EMP2: variants seen among roughly 807,000 people sequenced by gnomAD.
EMP2 encodes the protein epithelial membrane protein 2.
A neutral mutation model predicts 13.7 loss-of-function variants in EMP2; 19 were observed. The observed-to-expected ratio is 1.38, with a 90% CI of 0.97 to 2.03. The LOEUF (loss-of-function observed/expected upper bound fraction) is 2.03, where lower values mean the gene tolerates loss of function less well. EMP2 is among the 30% of genes most tolerant of loss of function. The pLI, the probability that EMP2 is intolerant of heterozygous loss-of-function variation, is 0.00. For synonymous variants in EMP2, 97 were observed against 84.7 expected, an observed-to-expected ratio of 1.15 and a Z score of -0.80; for missense variants, 253 against 220.7, an observed-to-expected ratio of 1.15 and a Z score of -0.93.
intron 1 of EMP2, 30 bp from the exon 2 acceptor site, chr16:10,547,707 A>C: frequency 7.5e-7 from 1 of 1,327,904 alleles, no homozygotes; most frequent in Non-Finnish European, 1.1e-6. Flanking sequence ...GAAATTCAAA[A>C]TCTGTCAATG....
intron 1 of EMP2, among the ~76,000 whole-genome samples, chr16:10,549,908 CAG>C (rs376678419): frequency 0.019 from 2,006 of 104,220 alleles, 49 homozygotes; most frequent in African/African-American, 0.072. Flanking sequence ...TTTTTTGAGA[CAG>C]AGTCTCACTC....
intron 1 of EMP2, among the ~76,000 whole-genome samples, chr16:10,567,495 G>C (rs776751896): frequency 6.6e-5 from 10 of 152,194 alleles, no homozygotes; most frequent in African/African-American, 2.4e-4. Flanking sequence ...GGGGCAGGGG[G>C]AGCAGGGGCT....
intron 1 of EMP2, among the ~76,000 whole-genome samples, chr16:10,573,036 G>T (rs902900950): frequency 6.6e-6 from 1 of 152,126 alleles, no homozygotes; most frequent in South Asian, 2.1e-4. Context: ...GTCAGCATGG[G>T]TTTATTTTGG....
chr16:10,566,683 T>C (rs992941447), intron 1 of EMP2, among the ~76,000 whole-genome samples: 7 of 152,206 alleles, frequency 4.6e-5, no homozygotes, highest in Non-Finnish European at 8.8e-5. Flanking sequence ...AAGTCAGTTC[T>C]CCACTTCTCT....
intron 1 of EMP2, among the ~76,000 whole-genome samples, chr16:10,565,832 G>C (rs1035246349): frequency 6.6e-6 from 1 of 152,194 alleles, no homozygotes; most frequent in East Asian, 1.9e-4. Context: ...ATGCCTAGGG[G>C]GCTATGAGGT....
intron 1 of EMP2, among the ~76,000 whole-genome samples, chr16:10,570,479 C>T (rs764994925): frequency 1.3e-5 from 2 of 152,174 alleles, no homozygotes; most frequent in Non-Finnish European, 2.9e-5. Context: ...CTCACCGTCA[C>T]GTCTGCCTCT....
chr16:10,548,053 T>C (rs2050753348), intron 1 of EMP2, among the ~76,000 whole-genome samples: 1 of 151,950 alleles, frequency 6.6e-6, no homozygotes, highest in Non-Finnish European at 1.5e-5. Context: ...AAAGGCAACA[T>C]TTCATGGGGT....
At chr16:10,559,373 A>C (rs2050856251) in intron 1 of EMP2, among the ~76,000 whole-genome samples, 1 of 152,246 alleles carries the variant, frequency 6.6e-6, no homozygotes, top group Non-Finnish European at 1.5e-5. Context: ...TGGGCCGCCC[A>C]GCTCCATGCT....
chr16:10,555,226 C>A (rs2050818732), intron 1 of EMP2, among the ~76,000 whole-genome samples: 4 of 152,222 alleles, frequency 2.6e-5, no homozygotes. Context: ...AGAATGCCCA[C>A]GACAATCTTT....
At chr16:10,573,592 G>A (rs886564478) in intron 1 of EMP2, among the ~76,000 whole-genome samples, 1 of 152,118 alleles carries the variant, frequency 6.6e-6, no homozygotes, top group African/African-American at 2.4e-5. Flanking sequence ...AACCTCCATT[G>A]CTTACCAAGC....
chr16:10,562,050 G>A (rs976248383), intron 1 of EMP2, among the ~76,000 whole-genome samples: 1 of 152,022 alleles, frequency 6.6e-6, no homozygotes, highest in African/African-American at 2.4e-5. Flanking sequence ...GAAGAGAAGG[G>A]GACACCCCAC....
intron 1 of EMP2, among the ~76,000 whole-genome samples, chr16:10,577,114 G>A (rs372688269): frequency 5.3e-5 from 8 of 152,138 alleles, no homozygotes; most frequent in South Asian, 4.1e-4. Context: ...GTCCTGGGTC[G>A]GCTGCCAAAT....
intron 1 of EMP2, among the ~76,000 whole-genome samples, chr16:10,575,308 C>T (rs956556328): frequency 1.6e-5 from 2 of 123,356 alleles, no homozygotes; most frequent in African/African-American, 6.2e-5. Context: ...GGCTGGAGTG[C>T]AGTGGCGTGA....
At chr16:10,563,532 A>G (rs774214848) in intron 1 of EMP2, among the ~76,000 whole-genome samples, 8 of 152,166 alleles carry the variant, frequency 5.3e-5, no homozygotes, top group Non-Finnish European at 1.2e-4. Flanking sequence ...TATCATTTTT[A>G]TAGATGGATC....
chr16:10,571,371 C>T (rs1180134680), intron 1 of EMP2, among the ~76,000 whole-genome samples: 5 of 150,936 alleles, frequency 3.3e-5, no homozygotes, highest in African/African-American at 1.2e-4. Flanking sequence ...TAGACCAGTA[C>T]GTCTCACCAC....
intron 2 of EMP2, 43 bp downstream of exon 2, chr16:10,547,497 C>T (rs368259432): frequency 6.2e-7 from 1 of 1,603,844 alleles, no homozygotes; most frequent in Non-Finnish European, 8.5e-7. Context: ...CTATTGACTG[C>T]AGGACCCAGG....
chr16:10,534,298 A>G (rs989914847), intron 4 of EMP2, among the ~76,000 whole-genome samples: 5 of 152,166 alleles, frequency 3.3e-5, no homozygotes, highest in African/African-American at 9.7e-5. Context: ...AAGATGACAG[A>G]ATAGAAGGAT....
At chr16:10,545,944 C>T (rs2050735665) in intron 2 of EMP2, 2 of 152,286 alleles carry the variant, frequency 1.3e-5, no homozygotes, top group Admixed American at 6.5e-5. Flanking sequence ...TTATTGTGCT[C>T]ATCTCCCCTG....
intron 1 of EMP2, among the ~76,000 whole-genome samples, chr16:10,553,364 ACT>A (rs1451934272): frequency 4.0e-5 from 6 of 151,882 alleles, no homozygotes; most frequent in East Asian, 1.9e-4. Flanking sequence ...CCAGAGTAAC[ACT>A]CTCTGCCTCG....
Sources: allele counts gnomAD v4.1 joint callset (sites outside exome capture counted in the v4.1 genomes callset), GRCh38; gene constraint gnomAD v4.1.1; transcripts MANE v1.5; gene names NCBI Gene and HGNC (gene_info 2026-07-23, HGNC 2026-07-21).